Variants in DGKB observed in about 807,000 individuals in gnomAD.
DGKB encodes 90 kDa diacylglycerol kinase.
Under a neutral mutation model 114.3 loss-of-function variants are expected in DGKB, and 67 were observed. That is an observed-to-expected ratio of 0.59 (90% CI 0.48 to 0.72). DGKB has a LOEUF of 0.72. Ranked by LOEUF, DGKB falls within the 30% of genes least tolerant of loss-of-function variation. The probability of loss-of-function intolerance (pLI) is 0.00; values close to 1 mark genes in which losing one functional copy is unlikely to be tolerated. For missense variants in DGKB, 907 were observed against 975.2 expected (o/e 0.93, Z 0.93); for synonymous variants, 398 against 323.1 (o/e 1.23, Z -2.49).
chr7:14,707,022 C>A (rs937824097), intron 6 of DGKB, among the ~76,000 whole-genome samples: 12 of 150,880 alleles, frequency 8.0e-5, no homozygotes, highest in Non-Finnish European at 1.6e-4. Flanking sequence ...GTCAATGAAT[C>A]CAGGAGCTGG....
chr7:14,232,999 T>C (rs536673320), intron 23 of DGKB, among the ~76,000 whole-genome samples: 8 of 152,174 alleles, frequency 5.3e-5, no homozygotes, highest in Middle Eastern at 3.4e-3. Context: ...CACTCTGAAA[T>C]AGCATTTTGT....
At chr7:14,538,409 G>A (rs1349215511) in intron 20 of DGKB, among the ~76,000 whole-genome samples, 2 of 152,098 alleles carry the variant, frequency 1.3e-5, no homozygotes, top group African/African-American at 4.8e-5. Flanking sequence ...AACCCTCAAG[G>A]AAATGCAAAT....
intron 21 of DGKB, among the ~76,000 whole-genome samples, chr7:14,372,718 G>T (rs1483499270): frequency 6.6e-6 from 1 of 151,772 alleles, no homozygotes; most frequent in African/African-American, 2.4e-5. Flanking sequence ...TACTCACCTT[G>T]TTTTAGGGGC....
intron 1 of DGKB, among the ~76,000 whole-genome samples, chr7:14,958,652 T>C (rs1036425798): frequency 6.6e-6 from 1 of 151,498 alleles, no homozygotes; most frequent in Non-Finnish European, 1.5e-5. Context: ...TTTTCAACTC[T>C]AGCCTGTTTG....
At chr7:14,856,806 G>C (rs1850216195) in intron 1 of DGKB, among the ~76,000 whole-genome samples, 2 of 151,932 alleles carry the variant, frequency 1.3e-5, no homozygotes, top group African/African-American at 4.8e-5. Flanking sequence ...TGTATTACTG[G>C]GTTTTAGGGT....
chr7:14,320,617 T>TAA (rs748706044), intron 23 of DGKB, among the ~76,000 whole-genome samples: 1 of 151,120 alleles, frequency 6.6e-6, no homozygotes, highest in African/African-American at 2.4e-5. Flanking sequence ...ATGTGGTACA[T>TAA]ATATATATAT....
At chr7:14,733,675 CAGAA>C (rs144191232) in intron 5 of DGKB, among the ~76,000 whole-genome samples, 1 of 148,902 alleles carries the variant, frequency 6.7e-6, no homozygotes, top group Admixed American at 6.8e-5. Context: ...GACCCTGTGT[CAGAA>C]AGAAAGAAAG....
chr7:14,874,929 T>A (rs1853045026), intron 1 of DGKB, among the ~76,000 whole-genome samples: 1 of 152,130 alleles, frequency 6.6e-6, no homozygotes, highest in Admixed American at 6.5e-5. Context: ...CAAACTCTTT[T>A]TTATTTTGCT....
chr7:14,933,614 T>G (rs75634019), intron 1 of DGKB, among the ~76,000 whole-genome samples: 2,760 of 152,286 alleles, frequency 0.018, 85 homozygotes, highest in African/African-American at 0.057. Context: ...GTCCTCAGAA[T>G]TTAAATGTTT....
At chr7:14,289,958 C>T (rs563438327) in intron 23 of DGKB, among the ~76,000 whole-genome samples, 1 of 152,306 alleles carries the variant, frequency 6.6e-6, no homozygotes, top group Non-Finnish European at 1.5e-5. Context: ...ACCTGAACTA[C>T]AAACTCATTA....
chr7:14,250,835 C>T (rs546373027), intron 23 of DGKB, among the ~76,000 whole-genome samples: 19 of 152,272 alleles, frequency 1.2e-4, no homozygotes, highest in African/African-American at 3.9e-4. Flanking sequence ...TATATGCATA[C>T]AGTTTTTATA....
rs1483278518 is a variant in DGKB, at chr7:14,234,587, T to C, written c.2123-56436A>G. 2.0e-5 allele frequency among the ~76,000 whole-genome samples: 3 copies of C among 152,130 alleles called. 1 individual carries two copies. The highest frequency in any genetic ancestry group is 7.2e-5 in the African/African-American group (3 of 41,442). Reference sequence around the variant, plus strand: ...TAGTTTTATGTGAATGAATTGTTTATGCAAACATAGATTTAATAATCTGAA... The same window carrying C: ...TAGTTTTATGTGAATGAATTGTTTACGCAAACATAGATTTAATAATCTGAA... On this transcript the variant is annotated intron_variant, in intron 23 of 25. Coordinates refer to ENST00000402815, the MANE Select transcript of DGKB (RefSeq NM_001350709.2).
chr7:14,260,604 C>CACTTCCTATT (rs1295698444), intron 23 of DGKB, among the ~76,000 whole-genome samples: 1 of 152,158 alleles, frequency 6.6e-6, no homozygotes, highest in Non-Finnish European at 1.5e-5. Flanking sequence ...CTTTAGCTTT[C>CACTTCCTATT]ACTTCCTATT....
chr7:14,452,160 A>G (rs1281609926), intron 21 of DGKB, among the ~76,000 whole-genome samples: 1 of 152,136 alleles, frequency 6.6e-6, no homozygotes, highest in Non-Finnish European at 1.5e-5. Flanking sequence ...CATGCATGAC[A>G]TACATATGTG....
At chr7:14,321,485 AG>A (rs1207038212) in intron 23 of DGKB, among the ~76,000 whole-genome samples, 2 of 152,098 alleles carry the variant, frequency 1.3e-5, no homozygotes, top group East Asian at 3.9e-4. Context: ...GGAACATTAG[AG>A]AAATGGTGAA....
At chr7:14,414,486 T>G (rs1484553156) in intron 21 of DGKB, among the ~76,000 whole-genome samples, 9 of 152,144 alleles carry the variant, frequency 5.9e-5, no homozygotes. Context: ...GTTTTGTCTG[T>G]GTCAATAATA....
chr7:14,820,446 T>C (rs1191209701), intron 2 of DGKB, among the ~76,000 whole-genome samples: 3 of 152,326 alleles, frequency 2.0e-5, no homozygotes, highest in African/African-American at 7.2e-5. Flanking sequence ...AATGGTATTC[T>C]GCAGTGCCTC....
chr7:14,773,925 A>G (rs1449903540), intron 2 of DGKB, among the ~76,000 whole-genome samples: 6 of 151,992 alleles, frequency 3.9e-5, no homozygotes, highest in African/African-American at 1.4e-4. Context: ...CAAAGGGGGA[A>G]AAAGGCTCCT....
intron 1 of DGKB, among the ~76,000 whole-genome samples, chr7:14,887,780 A>G (rs1258766326): frequency 2.0e-5 from 3 of 151,756 alleles, no homozygotes; most frequent in Non-Finnish European, 2.9e-5. Context: ...TTTACTCTCT[A>G]TCTTCTCCAA....
Sources: allele counts gnomAD v4.1 joint callset (sites outside exome capture counted in the v4.1 genomes callset), GRCh38; gene constraint gnomAD v4.1.1; transcripts MANE v1.5; gene names NCBI Gene and HGNC (gene_info 2026-07-23, HGNC 2026-07-21).